Variants in FAF2 observed in about 807,000 individuals in gnomAD.
The protein encoded by FAF2 is Fas associated factor family member 2.
Under a neutral mutation model 62.3 loss-of-function variants are expected in FAF2, and 9 were observed. The ratio of observed to expected loss-of-function variants is 0.14; its 90% CI spans 0.09 to 0.25. The LOEUF (loss-of-function observed/expected upper bound fraction) is 0.25, where lower values mean the gene tolerates loss of function less well. Ranked by LOEUF, FAF2 falls within the 10% of genes least tolerant of loss-of-function variation. The probability of loss-of-function intolerance (pLI) is 1.00; values close to 1 mark genes in which losing one functional copy is unlikely to be tolerated. For missense variants in FAF2, 368 were observed against 556.2 expected (o/e 0.66, Z 3.40); for synonymous variants, 202 against 198.0 (o/e 1.02, Z -0.17).
intron 5 of FAF2, among the ~76,000 whole-genome samples, chr5:176,493,347 C>T (rs1196974652): frequency 1.3e-5 from 2 of 152,236 alleles, no homozygotes; most frequent in Non-Finnish European, 2.9e-5. Context: ...AGATGAGCAC[C>T]TCCTGTGTAC....
In FAF2 at chr5:176,477,304, C is replaced by G. The variant is rs1428419923; in HGVS notation, c.64-1884C>G. Among the ~76,000 whole-genome samples the G allele has an allele frequency of 6.2e-4, 84 of 135,870 alleles. 1 individual carries two copies. The highest frequency in any genetic ancestry group is 2.2e-3 in the African/African-American group (79 of 35,596). The allele number at this position is 135,870 out of a possible 152,430, so 89.1% of individuals were successfully genotyped here. Reference sequence around the variant, plus strand: ...TTTTAACCATGTTGGCCAGGCTGGTCTCTAACTCCTGACCTCATGTGATCC... The same window carrying G: ...TTTTAACCATGTTGGCCAGGCTGGTGTCTAACTCCTGACCTCATGTGATCC... On this transcript the variant is annotated intron_variant, in intron 1 of 10. Coordinates refer to ENST00000261942, the MANE Select transcript of FAF2 (RefSeq NM_014613.3).
At chr5:176,449,470 G>A (rs1322319933) in intron 1 of FAF2, among the ~76,000 whole-genome samples, 2 of 152,110 alleles carry the variant, frequency 1.3e-5, no homozygotes, top group Admixed American at 1.3e-4. Flanking sequence ...AGCTACTCGG[G>A]AGGCTAAGGC....
At chr5:176,473,252 T>C (rs1174568212) in intron 1 of FAF2, among the ~76,000 whole-genome samples, 1 of 152,176 alleles carries the variant, frequency 6.6e-6, no homozygotes, top group Non-Finnish European at 1.5e-5. Context: ...TTTTATTGTT[T>C]TTGGTGACCT....
chr5:176,451,774 A>C, intron 1 of FAF2, among the ~76,000 whole-genome samples: 1 of 97,594 alleles, frequency 1.0e-5, no homozygotes, highest in Non-Finnish European at 2.1e-5. Flanking sequence ...ACATATATAT[A>C]CGTGTGTGTG....
rs1439091761 is a variant in FAF2, at chr5:176,450,092, TA to T, written c.63+1623del. Among the ~76,000 whole-genome samples the T allele has an allele frequency of 6.6e-5, 10 of 152,350 alleles. 1 individual carries two copies. Among genetic ancestry groups the T allele is most frequent in the Admixed American group, 5.9e-4 (9 of 15,294 alleles). On this transcript the variant is annotated intron_variant, in intron 1 of 10. Transcript: ENST00000261942. Reference sequence around the variant, plus strand: ...GGAATGCAAATGCTGAGAAAATAAATATTTTTTTGGCGAGTTCTCACTTTTT... The same window carrying T: ...GGAATGCAAATGCTGAGAAAATAAATTTTTTTTGGCGAGTTCTCACTTTTT...
chr5:176,501,193 T>C (rs1755586685), intron 10 of FAF2, among the ~76,000 whole-genome samples: 1 of 152,234 alleles, frequency 6.6e-6, no homozygotes, highest in Non-Finnish European at 1.5e-5. Context: ...ATTCTTAACA[T>C]TGTGCCTGGC....
intron 4 of FAF2, among the ~76,000 whole-genome samples, chr5:176,489,298 C>A (rs902565119): frequency 6.7e-6 from 1 of 148,316 alleles, no homozygotes; most frequent in African/African-American, 2.5e-5. Context: ...CCCCTCCCCC[C>A]CCCACCATAT....
chr5:176,472,461 A>G (rs565162263), intron 1 of FAF2, among the ~76,000 whole-genome samples: 1 of 151,726 alleles, frequency 6.6e-6, no homozygotes, highest in East Asian at 1.9e-4. Context: ...TGTTTTTTTT[A>G]AGCAGAGAAC....
chr5:176,462,059 C>T (rs1320432133), intron 1 of FAF2, among the ~76,000 whole-genome samples: 1 of 152,032 alleles, frequency 6.6e-6, no homozygotes, highest in African/African-American at 2.4e-5. Flanking sequence ...GGAGGATCAC[C>T]CGAGGTCAGG....
At chr5:176,455,776 G>A (rs1423368655) in intron 1 of FAF2, among the ~76,000 whole-genome samples, 1 of 151,446 alleles carries the variant, frequency 6.6e-6, no homozygotes, top group Non-Finnish European at 1.5e-5. Context: ...AACTAAAGAA[G>A]TTCCAAGGAG....
chr5:176,479,180 C>T lies in FAF2; in HGVS notation c.64-8C>T, dbSNP rs1561821637. ...CTCTAAGTAACTTGTTTTCATCCTTCTTTTCAGGATCTCACTGGCATCGAA... is the reference window on the plus strand; with the variant it reads ...CTCTAAGTAACTTGTTTTCATCCTTTTTTTCAGGATCTCACTGGCATCGAA... On this transcript the variant is annotated splice_region_variant and splice_polypyrimidine_tract_variant and intron_variant, in intron 1 of 10. Transcript: ENST00000261942. 2 of 1,613,434 alleles carry T rather than the reference C, an allele frequency of 1.2e-6. No homozygotes were observed. Among genetic ancestry groups the T allele is most frequent in the Middle Eastern group, 1.7e-4 (1 of 6,060 alleles).
At chr5:176,498,892 C>G in intron 8 of FAF2, 22 bp from the exon 9 acceptor site, 4 of 1,518,294 alleles carry the variant, frequency 2.6e-6, no homozygotes, top group Non-Finnish European at 3.5e-6. Flanking sequence ...TTTTTCTTCT[C>G]TTGCTTTTGA....
chr5:176,475,050 G>C (rs1313580431), intron 1 of FAF2, among the ~76,000 whole-genome samples: 1 of 152,052 alleles, frequency 6.6e-6, no homozygotes, highest in African/African-American at 2.4e-5. Flanking sequence ...AAAGTGTTTT[G>C]GTTATAAATT....
At chr5:176,461,312 C>A (rs926796278) in intron 1 of FAF2, among the ~76,000 whole-genome samples, 1 of 70,732 alleles carries the variant, frequency 1.4e-5, no homozygotes, top group Non-Finnish European at 2.4e-5. Flanking sequence ...CTGTGCCCAG[C>A]TTTTTTTTTT....
chr5:176,456,362 G>A (rs775415085), intron 1 of FAF2, among the ~76,000 whole-genome samples: 8 of 152,224 alleles, frequency 5.3e-5, no homozygotes, highest in East Asian at 1.9e-4. Context: ...GTGAGCCACC[G>A]TGCCCGGCCC....
At position 176,483,163 on chromosome 5, in the gene FAF2, C is replaced by T. The variant is rs182391490; in HGVS notation, c.133-3192C>T. On this transcript the variant is annotated intron_variant, in intron 2 of 10. Coordinates refer to ENST00000261942, the MANE Select transcript of FAF2 (RefSeq NM_014613.3). ...CCTTGAAGTCCTGGGCTCAAGAAGC[C>T]TTCCTGCCTCAGCCTCCCTGACACC... Among the ~76,000 whole-genome samples, 14 of 152,172 alleles carry T rather than the reference C, an allele frequency of 9.2e-5. No homozygotes were observed. The East Asian group carries it at 9.6e-4, about 10-fold the overall frequency.
intron 1 of FAF2, among the ~76,000 whole-genome samples, chr5:176,468,956 A>C (rs1419293157): frequency 6.6e-6 from 1 of 151,914 alleles, no homozygotes; most frequent in Non-Finnish European, 1.5e-5. Flanking sequence ...AAATATAAAA[A>C]ATTTTAGGCT....
At position 176,509,505 on chromosome 5, in the gene FAF2, T is replaced by G. The variant is rs1403312155; in HGVS notation, c.*2555T>G. ...TTCTGCACTCCCACGACTGAAGTTGTAGATTGAGCTGAATAACCATGGGAA... is the reference window on the plus strand; with the variant it reads ...TTCTGCACTCCCACGACTGAAGTTGGAGATTGAGCTGAATAACCATGGGAA... On this transcript the variant is annotated 3_prime_UTR_variant, in exon 11 of 11. Coordinates refer to ENST00000261942, the MANE Select transcript of FAF2 (RefSeq NM_014613.3). 1 of 152,486 alleles carries G rather than the reference T, an allele frequency of 6.6e-6. No individual in the cohort carries two copies. The highest frequency in any genetic ancestry group is 2.4e-5 in the African/African-American group (1 of 41,456). 9.4% of individuals were successfully genotyped at this position (152,486 alleles called of 1,614,324 possible). A position where few individuals can be genotyped will look rare whatever the true frequency, so the allele number is the denominator to read the frequency against.
chr5:176,480,445 C>G (rs1161713357), intron 2 of FAF2, among the ~76,000 whole-genome samples: 1 of 151,990 alleles, frequency 6.6e-6, no homozygotes, highest in Non-Finnish European at 1.5e-5. Flanking sequence ...CGGGGTCTTG[C>G]TCTGTCACCT....
Sources: gnomAD v4.1 joint callset for allele counts (sites outside exome capture counted in the v4.1 genomes callset) on GRCh38, gnomAD v4.1.1 for gene constraint, MANE v1.5 for transcripts, NCBI Gene and HGNC (gene_info 2026-07-23, HGNC 2026-07-21) for gene names.